The following TAF1C variants were observed in gnomAD, a reference collection of about 807,000 sequenced individuals.
TAF1C encodes TATA box-binding protein-associated factor RNA polymerase I subunit C.
A neutral mutation model predicts 70.5 loss-of-function variants in TAF1C; 79 were observed. The observed-to-expected ratio is 1.12, with a 90% confidence interval of 0.93 to 1.35. The LOEUF (loss-of-function observed/expected upper bound fraction) is 1.35, where lower values mean the gene tolerates loss of function less well. Ranked by LOEUF, TAF1C falls within the 40% of genes most tolerant of loss-of-function variation. The probability of loss-of-function intolerance (pLI) is 0.00; values close to 1 mark genes in which losing one functional copy is unlikely to be tolerated. For synonymous variants in TAF1C, 614 were observed against 491.1 expected (o/e 1.25, Z -3.31); for missense variants, 1,412 against 1,127.8 (o/e 1.25, Z -3.61).
intron 1 of TAF1C, among the ~76,000 whole-genome samples, chr16:84,185,755 C>G (rs2089446086): frequency 6.6e-6 from 1 of 152,174 alleles, no homozygotes; most frequent in South Asian, 2.1e-4. Context: ...ACAAAATTAG[C>G]CGGGCGTGGT....
At chr16:84,184,069 A>T (rs925690930) in intron 2 of TAF1C, among the ~76,000 whole-genome samples, 1 of 152,204 alleles carries the variant, frequency 6.6e-6, no homozygotes, top group Non-Finnish European at 1.5e-5. Context: ...GAAGCCCCTC[A>T]TGCCACCAGT....
chr16:84,179,301 G>C lies in TAF1C; in HGVS notation c.2172C>G (p.Pro724=), dbSNP rs747175449. ...TGCTGGACAGCTGGGTCCGGCGCTT[G>C]GGCCGCCTGGTCTGTCTCCCGGGCT... is the stretch of plus-strand genomic sequence containing the variant. ...TSEPGRQTRR[P]KRRTQLSSSF... Residue 724 remains proline (P), a synonymous_variant, in exon 15 of 15, where the codon CCC becomes CCG. Transcript: ENST00000566732. The C allele has an allele frequency of 1.8e-4, 280 of 1,596,262 alleles. 1 individual carries two copies. Among genetic ancestry groups the C allele is most frequent in the South Asian group, 1.6e-3 (144 of 90,186 alleles).
chr16:84,181,415 G>T lies in TAF1C; in HGVS notation c.1077C>A (p.Ser359=). The change falls in exon 11 of 15, where the codon TCC becomes TCA. Residue 359 remains serine (S), a synonymous_variant. Transcript: ENST00000566732. Reference sequence around the variant, plus strand: ...TGAAGTCTGCCCAACGCCACGAAGAGGAGTCCCGGAACACGAGGGTCTCAG... The same window carrying T: ...TGAAGTCTGCCCAACGCCACGAAGATGAGTCCCGGAACACGAGGGTCTCAG... ...RDPETLVFRD[S]SSWRWADFTA... is the part of the protein sequence containing the mutation. The T allele has an allele frequency of 6.2e-7, 1 of 1,613,920 alleles. No homozygotes were observed. The highest frequency in any genetic ancestry group is 8.5e-7 in the Non-Finnish European group (1 of 1,180,026).
Position 84,178,483 on chromosome 16 carries a change from C to G in TAF1C, c.*458G>C, listed in dbSNP as rs1393243104. ...CAGAGATTGACAAAGCAACCCACAA[C>G]AGCAGCTGCCAACGGCCGCTGTGCC... On this transcript the variant is annotated 3_prime_UTR_variant, in exon 15 of 15. Coordinates refer to ENST00000566732, the MANE Select transcript of TAF1C (RefSeq NM_001243156.2). The G allele has an allele frequency of 2.2e-6, 1 of 460,330 alleles. No homozygotes were observed. Among genetic ancestry groups the G allele is most frequent in the African/African-American group, 2.0e-5 (1 of 50,282 alleles). The allele number at this position is 460,330 out of a possible 1,614,324, so 28.5% of individuals were successfully genotyped here.
chr16:84,180,011 G>T lies in TAF1C; in HGVS notation c.1556C>A (p.Ala519Glu), dbSNP rs749791130. ...SLPSRIDSLP[A>E]FPLLEPKIQW... ...GATCTTAGGCTCCAGCAGAGGAAAT[G>T]CAGGGAGGGAGTCGATCCTGGAAGG... Residue 519 changes from alanine (A) to glutamate (E), a missense_variant, in exon 14 of 15, where the codon GCA (alanine) becomes GAA (glutamate). Coordinates refer to ENST00000566732, the MANE Select transcript of TAF1C (RefSeq NM_001243156.2). The T allele has an allele frequency of 2.9e-5, 47 of 1,611,832 alleles. No homozygotes were observed. The highest frequency in any genetic ancestry group is 3.9e-5 in the Non-Finnish European group (46 of 1,179,672).
In TAF1C at chr16:84,179,064, T is replaced by G. The variant is rs747576643; in HGVS notation, c.2409A>C (p.Pro803=). The G allele has an allele frequency of 1.9e-6, 3 of 1,610,834 alleles. No individual in the cohort carries two copies. In the South Asian group the frequency reaches 3.3e-5, roughly 18 times the overall value. ...MAKLPPQRDT[P]GCATTPPHSQ... is the part of the protein sequence containing the mutation. ...AGTGGGGAGGTGTGGTGGCACAGCCTGGGGTGTCCCTCTGGGGTGGTAGCT... is the reference window on the plus strand; with the variant it reads ...AGTGGGGAGGTGTGGTGGCACAGCCGGGGGTGTCCCTCTGGGGTGGTAGCT... The change falls in exon 15 of 15, where the codon CCA becomes CCC. Residue 803 remains proline, a synonymous_variant. Coordinates refer to ENST00000566732, the MANE Select transcript of TAF1C (RefSeq NM_001243156.2).
chr16:84,183,310 A>G lies in TAF1C; in HGVS notation c.342T>C (p.His114=). 1.2e-6 allele frequency: 2 copies of G among 1,614,002 alleles called. No individual in the cohort carries two copies. The highest frequency in any genetic ancestry group is 1.7e-6 in the Non-Finnish European group (2 of 1,180,024). Residue 114 remains histidine, a synonymous_variant, in exon 5 of 15, where the codon CAT becomes CAC. Coordinates refer to ENST00000566732, the MANE Select transcript of TAF1C (RefSeq NM_001243156.2). The stretch of plus-strand genomic sequence containing the variant: ...CCAGGGGCGCAAAGGCTACGTCTCC[A>G]TGATCCAAGAGGAACCGGCTGATCT... ...TEQISRFLLD[H]GDVAFAPLGK...
Position 84,179,934 on chromosome 16 carries a change from C to T in TAF1C, c.1621+12G>A, listed in dbSNP as rs570039965. ...ACTGCGCCCCCCAAGCTCACTCCCCCACCCAGCACACCTATGGTCGGTGCT... is the reference window on the plus strand; with the variant it reads ...ACTGCGCCCCCCAAGCTCACTCCCCTACCCAGCACACCTATGGTCGGTGCT... On this transcript the variant is annotated intron_variant, in intron 14 of 14. Transcript: ENST00000566732. 1.9e-6 allele frequency: 3 copies of T among 1,592,176 alleles called. No homozygotes were observed. Among genetic ancestry groups the T allele is most frequent in the African/African-American group, 1.4e-5 (1 of 73,828 alleles).
At chr16:84,180,695 G>T in intron 12 of TAF1C, 1 of 878,418 alleles carries the variant, frequency 1.1e-6, no homozygotes, top group South Asian at 2.4e-5. Context: ...AATGTCCCCG[G>T]GAGGGCGGGT....
At chr16:84,186,239 T>C (rs4150117) in intron 1 of TAF1C, among the ~76,000 whole-genome samples, 2 of 152,120 alleles carry the variant, frequency 1.3e-5, no homozygotes, top group Non-Finnish European at 2.9e-5. Context: ...ACGCTAGCAT[T>C]AGAGTCTCGC....
At chr16:84,181,007 C>T in intron 12 of TAF1C, 36 bp downstream of exon 12, 1 of 1,578,790 alleles carries the variant, frequency 6.3e-7, no homozygotes, top group Non-Finnish European at 8.7e-7. Flanking sequence ...TGAGACAGAG[C>T]AGAGGTGGGG....
chr16:84,182,495 G>A lies in TAF1C; in HGVS notation c.483-55C>T. ...CTCGGTGGCACTCAGGGGAGGACAG[G>A]TCCCATCCCAAGGAGGCCAAGTGCA... On this transcript the variant is annotated intron_variant, in intron 6 of 14. Coordinates refer to ENST00000566732, the MANE Select transcript of TAF1C (RefSeq NM_001243156.2). The surrounding 1 kb of genome is among the most constrained non-coding windows in gnomAD (Gnocchi z 5.0). The A allele has an allele frequency of 2.0e-6, 3 of 1,517,750 alleles. No homozygotes were observed. Among genetic ancestry groups the A allele is most frequent in the Non-Finnish European group, 2.7e-6 (3 of 1,127,140 alleles). The allele number at this position is 1,517,750 out of a possible 1,614,324, so 94.0% of individuals were successfully genotyped here. A position where few individuals can be genotyped will look rare whatever the true frequency, so the allele number is the denominator to read the frequency against.
chr16:84,179,439 C>T lies in TAF1C; in HGVS notation c.2034G>A (p.Glu678=), dbSNP rs746631527. 1 of 1,596,924 alleles carries T rather than the reference C, an allele frequency of 6.3e-7. No individual in the cohort carries two copies. The highest frequency in any genetic ancestry group is 1.1e-5 in the South Asian group (1 of 90,756). The change falls in exon 15 of 15, where the codon GAG becomes GAA. Residue 678 remains glutamate (E), a synonymous_variant. Transcript: ENST00000566732. ...GGCCTGACTCGGGTGCAGGGGGTGG[C>T]TCTGCCGCAGGGAGGGAGCCCAGGT... ...QRDLGSLPAA[E]PPPAPESGLE...
In TAF1C at chr16:84,183,466, G is replaced by T. The variant is rs372781451; in HGVS notation, c.262C>A (p.Arg88Ser). ...PGLTARDLLFRGGCRYRKRPR... is the reference protein window; with the variant it reads ...PGLTARDLLFSGGCRYRKRPR... Reference sequence around the variant, plus strand: ...CGCTTCCGATACCGGCACCCTCCGCGGAAAAGCAGGTCCCGGGCAGTCAGG... The same window carrying T: ...CGCTTCCGATACCGGCACCCTCCGCTGAAAAGCAGGTCCCGGGCAGTCAGG... Residue 88 changes from arginine to serine, a missense_variant, in exon 4 of 15, where the codon CGC (arginine) becomes AGC (serine). Physicochemically the swap from Arg to Ser is moderately radical, Grantham distance 110. Coordinates refer to ENST00000566732, the MANE Select transcript of TAF1C (RefSeq NM_001243156.2). 5 of 1,611,776 alleles carry T rather than the reference G, an allele frequency of 3.1e-6. No homozygotes were observed. The highest frequency in any genetic ancestry group is 4.2e-6 in the Non-Finnish European group (5 of 1,179,104).
rs200180112 is a variant in TAF1C at position 84,179,152 on chromosome 16, G to A, written c.2321C>T (p.Pro774Leu). The A allele has an allele frequency of 1.1e-4, 169 of 1,606,664 alleles. 1 individual carries two copies. Among genetic ancestry groups the A allele is most frequent in the South Asian group, 7.2e-4 (65 of 90,876 alleles). Residue 774 changes from proline (P) to leucine (L), a missense_variant, in exon 15 of 15, where the codon CCG becomes CTG. Physicochemically the swap from Pro to Leu is moderately conservative, Grantham distance 98. Transcript: ENST00000566732. ...TGGGACGCCCTGGGCGCATGCATCCGGAGTCAACTCCTGGGAGGGCGGGGT... is the reference window on the plus strand; with the variant it reads ...TGGGACGCCCTGGGCGCATGCATCCAGAGTCAACTCCTGGGAGGGCGGGGT... ...PTTPPSQELTPDACAQGVPSE... is the reference protein window; with the variant it reads ...PTTPPSQELTLDACAQGVPSE...
Position 84,183,181 on chromosome 16 carries a change from C to A in TAF1C, c.409-32G>T, listed in dbSNP as rs778404059. On this transcript the variant is annotated intron_variant, in intron 5 of 14. Coordinates refer to ENST00000566732, the MANE Select transcript of TAF1C (RefSeq NM_001243156.2). ...GGAAAGGCCTTGTCAGGCTCACACA[C>A]CCTCGAGTTCACCCCTGAAGGACAG... 1.9e-6 allele frequency: 3 copies of A among 1,614,004 alleles called. No homozygotes were observed. The South Asian group carries it at 3.3e-5, about 18-fold the overall frequency.
Position 84,179,580 on chromosome 16 carries a change from G to C in TAF1C, c.1893C>G (p.Thr631=). 5.6e-6 allele frequency: 9 copies of C among 1,612,770 alleles called. No homozygotes were observed. Among genetic ancestry groups the C allele is most frequent in the Non-Finnish European group, 7.6e-6 (9 of 1,179,930 alleles). ...PLAPPVWTAP[T]FTHRQMLGST... The stretch of plus-strand genomic sequence containing the variant: ...TGCCCAGCATCTGGCGGTGGGTGAA[G>C]GTGGGTGCTGTCCACACAGGAGGAG... Residue 631 remains threonine, a synonymous_variant, in exon 15 of 15, where the codon ACC becomes ACG. Transcript: ENST00000566732.
chr16:84,182,284 C>A lies in TAF1C; in HGVS notation c.639G>T (p.Gly213=), dbSNP rs141166712. Residue 213 remains glycine (G), a synonymous_variant, in exon 7 of 15, where the codon GGG becomes GGT. Coordinates refer to ENST00000566732, the MANE Select transcript of TAF1C (RefSeq NM_001243156.2). This position sits in a 1 kb window ranked among gnomAD's most constrained non-coding sequence, Gnocchi z 5.0. ...EQLLLDEACT[G]GALAWVPGRT... Reference sequence around the variant, plus strand: ...TTCCAGGAACCCAGGCCAGCGCGCCCCCAGTGCAGGCCTCATCCAGAAGCA... The same window carrying A: ...TTCCAGGAACCCAGGCCAGCGCGCCACCAGTGCAGGCCTCATCCAGAAGCA... The A allele has an allele frequency of 2.1e-4, 332 of 1,612,950 alleles. No homozygotes were observed. Among genetic ancestry groups the A allele is most frequent in the Admixed American group, 6.7e-4 (40 of 60,006 alleles).
At chr16:84,180,562 A>G in intron 12 of TAF1C, 1 of 608,062 alleles carries the variant, frequency 1.6e-6, no homozygotes, top group Non-Finnish European at 2.7e-6. Context: ...GACAGACAGA[A>G]CAAGTGGGAA....
Sources: allele counts gnomAD v4.1 joint callset (sites outside exome capture counted in the v4.1 genomes callset), GRCh38; gene constraint gnomAD v4.1.1; non-coding constraint Gnocchi (gnomAD v3.1); transcripts MANE v1.5; gene names NCBI Gene and HGNC (gene_info 2026-07-23, HGNC 2026-07-21).